Variants in CEBPZOS observed in about 807,000 individuals in gnomAD.
CEBPZOS encodes the protein CEBPZ opposite strand.
In CEBPZOS, 10 loss-of-function variants were observed where a neutral mutation model predicts 4.8. The ratio of observed to expected loss-of-function variants is 2.07; its 90% confidence interval spans 1.28 to 3.52. The LOEUF is 3.52. CEBPZOS is among the 30% of genes most tolerant of loss of function. CEBPZOS has a pLI of 0.00. For missense variants in CEBPZOS, 98 were observed against 43.6 expected, an observed-to-expected ratio of 2.25 and a Z score of -3.51; for synonymous variants, 25 against 14.2, an observed-to-expected ratio of 1.77 and a Z score of -1.72.
At chr2:37,211,170 T>C (rs933663180) in intron 4 of CEBPZOS, 7 of 861,340 alleles carry the variant, frequency 8.1e-6, no homozygotes, top group African/African-American at 3.4e-5. Context: ...ATCTTTATTC[T>C]GATGGTAAGG....
Position 37,202,697 on chromosome 2 carries a change from AAATAAAAT to A in CEBPZOS, c.*840_*847del. On this transcript the variant is annotated 3_prime_UTR_variant, in exon 5 of 5. Transcript: ENST00000402297. The stretch of plus-strand genomic sequence containing the variant: ...AAAAAAAAAAAAAAAAAAAAAGAAT[AAATAAAAT>A]AACGAAAATTTCCTATCTTCTGAAG... 3.6e-6 allele frequency: 1 copy of A among 274,650 alleles called. No homozygotes were observed. Among genetic ancestry groups the A allele is most frequent in the African/African-American group, 3.7e-5 (1 of 27,272 alleles). The allele number at this position is 274,650 out of a possible 1,614,324, so 17.0% of individuals were successfully genotyped here. A position where few individuals can be genotyped will look rare whatever the true frequency, so the allele number is the denominator to read the frequency against.
chr2:37,198,221 T>G (rs1163899227), intron 1 of CEBPZOS, among the ~76,000 whole-genome samples: 1 of 152,142 alleles, frequency 6.6e-6, no homozygotes, highest in Admixed American at 6.5e-5. Context: ...ATGACTTACT[T>G]TCTGTCAGTC....
intron 4 of CEBPZOS, chr2:37,212,228 T>C: frequency 9.1e-7 from 1 of 1,094,676 alleles, no homozygotes; most frequent in Non-Finnish European, 1.4e-6. Context: ...CCAAACTTAC[T>C]TGACTACATT....
downstream of CEBPZOS, among the ~76,000 whole-genome samples, chr2:37,214,468 T>C (rs901395514): frequency 2.0e-5 from 3 of 152,086 alleles, no homozygotes; most frequent in Non-Finnish European, 4.4e-5. Context: ...ACTTAAAGTA[T>C]TATATTAAAA....
At chr2:37,200,307 G>C (rs937880094) in intron 2 of CEBPZOS, among the ~76,000 whole-genome samples, 3 of 152,078 alleles carry the variant, frequency 2.0e-5, no homozygotes, top group Non-Finnish European at 4.4e-5. Context: ...TTTTATATTA[G>C]AGCTCTCAAC....
downstream of CEBPZOS, among the ~76,000 whole-genome samples, chr2:37,207,601 C>T (rs1046384535): frequency 1.0e-4 from 15 of 145,526 alleles, no homozygotes; most frequent in African/African-American, 1.6e-4. Context: ...ATTTTTTGAA[C>T]TGAACAATAG....
At chr2:37,207,609 T>C (rs999393176), downstream of CEBPZOS, among the ~76,000 whole-genome samples, 19 of 152,064 alleles carry the variant, frequency 1.2e-4, no homozygotes, top group Admixed American at 3.3e-4. Context: ...AACTGAACAA[T>C]AGTGACACAA....
rs1677397726 is a variant in CEBPZOS at position 37,203,678 on chromosome 2, T to C, written c.*1818T>C. ...TTCAACCACAACCACAGTCTGATTTTAGAACATTTCCATCAACTTCAAAGA... is the reference window on the plus strand; with the variant it reads ...TTCAACCACAACCACAGTCTGATTTCAGAACATTTCCATCAACTTCAAAGA... On this transcript the variant is annotated 3_prime_UTR_variant, in exon 5 of 5. Transcript: ENST00000402297. The C allele has an allele frequency of 6.6e-6, 1 of 152,240 alleles. No homozygotes were observed. The highest frequency in any genetic ancestry group is 2.4e-5 in the African/African-American group (1 of 41,466). The allele number at this position is 152,240 out of a possible 1,614,324, so 9.4% of individuals were successfully genotyped here.
chr2:37,212,271 T>C, intron 4 of CEBPZOS: 1 of 1,430,958 alleles, frequency 7.0e-7, no homozygotes, highest in East Asian at 2.3e-5. Context: ...TGGTCTACTG[T>C]TCTGAGGGAC....
Position 37,201,651 on chromosome 2 carries a change from A to T in CEBPZOS, c.170A>T (p.Lys57Ile). Residue 57 changes from lysine to isoleucine, a missense_variant, in exon 4 of 5, where the codon AAA becomes ATA. Coordinates refer to ENST00000402297, the MANE Select transcript of CEBPZOS (RefSeq NM_001322374.2). ...CTATTTTTATTTATAGTTTATTACA[A>T]ATCCACTGAGAAGTCTGGAATGTAT... Reference protein sequence around the residue: ...KYPFILEVYYKSTEKSGMYGI... With the variant: ...KYPFILEVYYISTEKSGMYGI... The T allele has an allele frequency of 2.7e-6, 2 of 744,240 alleles. 1 individual carries two copies. Among genetic ancestry groups the T allele is most frequent in the South Asian group, 3.1e-5 (2 of 64,508 alleles). The allele number at this position is 744,240 out of a possible 1,614,324, so 46.1% of individuals were successfully genotyped here. A position where few individuals can be genotyped will look rare whatever the true frequency, so the allele number is the denominator to read the frequency against.
rs1237954018 is a variant in CEBPZOS at position 37,204,174 on chromosome 2, G to A, written c.*2314G>A. ...AGTGATGTATCTGTGACCTCAACGA[G>A]TAGGCACTTCTGTACTGTACTGGTT... is the stretch of plus-strand genomic sequence containing the variant. On this transcript the variant is annotated 3_prime_UTR_variant, in exon 5 of 5. Coordinates refer to ENST00000402297, the MANE Select transcript of CEBPZOS (RefSeq NM_001322374.2). The A allele has an allele frequency of 6.6e-6, 1 of 151,890 alleles. No individual in the cohort carries two copies. The highest frequency in any genetic ancestry group is 1.5e-5 in the Non-Finnish European group (1 of 68,020). The allele number at this position is 151,890 out of a possible 1,614,324, so 9.4% of individuals were successfully genotyped here.
chr2:37,208,076 T>C (rs747483019), downstream of CEBPZOS, among the ~76,000 whole-genome samples: 3 of 152,030 alleles, frequency 2.0e-5, no homozygotes, highest in Non-Finnish European at 4.4e-5. Context: ...CCTGGAAATA[T>C]ACAACCCTTC....
At chr2:37,201,207 GTTC>G (rs1473496205) in intron 3 of CEBPZOS, 115 bp downstream of exon 3, 9 of 624,338 alleles carry the variant, frequency 1.4e-5, no homozygotes, top group African/African-American at 3.7e-5. Context: ...ATGTATTTTA[GTTC>G]TTCTGAGACT....
At position 37,211,915 on chromosome 2, in the gene CEBPZOS, C is replaced by T. The variant is rs753100745; in HGVS notation, c.*3-1522C>T. ...CCATCTTCATCAACTTCAGCAAATTCTTCATCATCCATACTTCCTAAAGAA... is the reference window on the plus strand; with the variant it reads ...CCATCTTCATCAACTTCAGCAAATTTTTCATCATCCATACTTCCTAAAGAA... On this transcript the variant is annotated intron_variant, in intron 4 of 4. Transcript: ENST00000397064. The T allele has an allele frequency of 2.5e-6, 4 of 1,613,512 alleles. No individual in the cohort carries two copies. The South Asian group carries it at 4.4e-5, about 18-fold the overall frequency.
At position 37,203,387 on chromosome 2, in the gene CEBPZOS, G is replaced by A. The variant is rs1677377938; in HGVS notation, c.*1527G>A. On this transcript the variant is annotated 3_prime_UTR_variant, in exon 5 of 5. Coordinates refer to ENST00000402297, the MANE Select transcript of CEBPZOS (RefSeq NM_001322374.2). Reference sequence around the variant, plus strand: ...AATTTAGTTCAGGGGTCTTTAGATTGTAAAGAAATTGACTGAAAGTATGTT... The same window carrying A: ...AATTTAGTTCAGGGGTCTTTAGATTATAAAGAAATTGACTGAAAGTATGTT... The A allele has an allele frequency of 6.5e-6, 1 of 154,926 alleles. No homozygotes were observed. The highest frequency in any genetic ancestry group is 1.4e-5 in the Non-Finnish European group (1 of 70,144). The allele number at this position is 154,926 out of a possible 1,614,324, so 9.6% of individuals were successfully genotyped here.
intron 3 of CEBPZOS, chr2:37,201,297 A>C: frequency 1.8e-6 from 1 of 545,502 alleles, no homozygotes; most frequent in South Asian, 2.4e-5. Context: ...TTAAGAATGT[A>C]AACTCTGGAA....
downstream of CEBPZOS, among the ~76,000 whole-genome samples, chr2:37,205,533 TGACTCTCTTTTCG>T (rs1677506816): frequency 6.6e-6 from 1 of 152,120 alleles, no homozygotes; most frequent in Admixed American, 6.5e-5. Context: ...CTCCCTTCAC[TGACTCTCTTTTCG>T]GACTCAGCCC....
At chr2:37,214,901 T>A (rs376767761), downstream of CEBPZOS, 1 of 1,609,014 alleles carries the variant, frequency 6.2e-7, no homozygotes, top group Admixed American at 1.7e-5. Flanking sequence ...GAAAAACACT[T>A]CATCCACTGG....
In CEBPZOS at chr2:37,201,444, A is replaced by G. The variant is rs1572483706; in HGVS notation, c.161-198A>G. ...GTAGATAAAGACTGAACAAGATGAC[A>G]TCATGTAGTTAGACGAAATAGTGCT... is the stretch of plus-strand genomic sequence containing the variant. On this transcript the variant is annotated intron_variant, in intron 3 of 4. Transcript: ENST00000402297. The G allele has an allele frequency of 9.2e-6, 5 of 541,908 alleles. No homozygotes were observed. In the East Asian group the frequency reaches 1.6e-4, roughly 17 times the overall value. The allele number at this position is 541,908 out of a possible 1,614,324, so 33.6% of individuals were successfully genotyped here.
Sources: gnomAD v4.1 joint callset for allele counts (sites outside exome capture counted in the v4.1 genomes callset) on GRCh38, gnomAD v4.1.1 for gene constraint, MANE v1.5 for transcripts, NCBI Gene and HGNC (gene_info 2026-07-23, HGNC 2026-07-21) for gene names.